EMC3: variants seen among roughly 807,000 people sequenced by gnomAD.
The protein encoded by EMC3 is 30 kDa protein.
EMC3 carries 13 observed loss-of-function variants against 36.6 expected under a neutral mutation model. That is an observed-to-expected ratio of 0.35 (90% CI 0.23 to 0.56). EMC3 has a LOEUF of 0.56. Among genes scored for constraint, EMC3 ranks in the 20% least tolerant of loss-of-function variants. The pLI, the probability that EMC3 is intolerant of heterozygous loss-of-function variation, is 0.84. For missense variants in EMC3, 220 were observed against 324.5 expected, an observed-to-expected ratio of 0.68 and a Z score of 2.47; for synonymous variants, 120 against 111.9, an observed-to-expected ratio of 1.07 and a Z score of -0.46.
chr3:9,967,982 C>T lies in EMC3; in HGVS notation c.657+1737G>A, dbSNP rs539883001. On this transcript the variant is annotated intron_variant, in intron 7 of 7. Coordinates refer to ENST00000245046, the MANE Select transcript of EMC3 (RefSeq NM_001394674.1). ...CTGTCACCAGGCTGGAGTCTAGTGG[C>T]GTGATCTTGACTCACTGCAACCTCT... 3.9e-5 allele frequency among the ~76,000 whole-genome samples: 6 copies of T among 152,304 alleles called. No individual in the cohort carries two copies. The East Asian group carries it at 5.8e-4, about 15-fold the overall frequency.
intron 1 of EMC3, among the ~76,000 whole-genome samples, chr3:9,981,008 G>A (rs1225467852): frequency 2.6e-5 from 4 of 152,082 alleles, no homozygotes; most frequent in Non-Finnish European, 4.4e-5. Flanking sequence ...TTCAAGAACA[G>A]CCTAGTCAAC....
At chr3:9,964,326 A>G (rs759343573) in intron 7 of EMC3, 129 bp from the exon 8 acceptor site, 34 of 1,416,528 alleles carry the variant, frequency 2.4e-5, no homozygotes, top group African/African-American at 1.9e-4. Flanking sequence ...AGCTCATTCA[A>G]TCCTACAAGG....
chr3:9,965,965 T>G (rs2085732877), intron 7 of EMC3, among the ~76,000 whole-genome samples: 1 of 152,372 alleles, frequency 6.6e-6, no homozygotes, highest in African/African-American at 2.4e-5. Flanking sequence ...TGAATCATGC[T>G]CTGAACACAT....
intron 1 of EMC3, among the ~76,000 whole-genome samples, chr3:9,992,567 C>G (rs2086067819): frequency 6.6e-6 from 1 of 152,188 alleles, no homozygotes; most frequent in African/African-American, 2.4e-5. Context: ...AGTGAAAATA[C>G]ATACTGGAGT....
intron 4 of EMC3, among the ~76,000 whole-genome samples, chr3:9,974,011 A>T (rs1266994197): frequency 6.6e-6 from 1 of 152,236 alleles, no homozygotes; most frequent in African/African-American, 2.4e-5. Flanking sequence ...TAAGCATAGA[A>T]TTATGTTAAT....
At position 9,967,437 on chromosome 3, in the gene EMC3, T is replaced by C. The variant is rs541678663; in HGVS notation, c.657+2282A>G. Among the ~76,000 whole-genome samples, 47 of 79,296 alleles carry C rather than the reference T, an allele frequency of 5.9e-4. No homozygotes were observed. The South Asian group carries it at 0.014, about 24-fold the overall frequency. The allele number at this position is 79,296 out of a possible 152,430, so 52.0% of individuals were successfully genotyped here. A position where few individuals can be genotyped will look rare whatever the true frequency, so the allele number is the denominator to read the frequency against. On this transcript the variant is annotated intron_variant, in intron 7 of 7. Coordinates refer to ENST00000245046, the MANE Select transcript of EMC3 (RefSeq NM_001394674.1). ...CTCATTCTTTTGCATGTAGATATCC[T>C]TTTCCCAGCACCATTCGTTGAATGG...
In EMC3 at chr3:9,963,514, G is replaced by A. The variant is rs1370116527; in HGVS notation, c.*555C>T. ...TTTTCAGATGGAGTTTTGCTCTGTC[G>A]CCCAGGCTGGAGCGCAGTGGCACGA... is the stretch of plus-strand genomic sequence containing the variant. On this transcript the variant is annotated 3_prime_UTR_variant, in exon 8 of 8. Transcript: ENST00000245046. The A allele has an allele frequency of 8.0e-5, 10 of 125,650 alleles. No homozygotes were observed. Among genetic ancestry groups the A allele is most frequent in the African/African-American group, 1.3e-4 (4 of 31,840 alleles). The allele number at this position is 125,650 out of a possible 1,614,324, so 7.8% of individuals were successfully genotyped here. A position where few individuals can be genotyped will look rare whatever the true frequency, so the allele number is the denominator to read the frequency against.
chr3:9,971,050 G>A (rs1480701532), intron 5 of EMC3, among the ~76,000 whole-genome samples: 2 of 151,964 alleles, frequency 1.3e-5, no homozygotes, highest in Non-Finnish European at 2.9e-5. Flanking sequence ...AACCTCCTGA[G>A]TAGCTGGGAC....
upstream of EMC3, chr3:9,988,125 T>C: frequency 1.8e-6 from 1 of 549,512 alleles, no homozygotes; most frequent in East Asian, 3.2e-5. Flanking sequence ...GGTACTATTA[T>C]GATATTTACA....
chr3:9,974,514 C>T, intron 3 of EMC3, 26 bp from the exon 4 acceptor site: 1 of 1,497,868 alleles, frequency 6.7e-7, no homozygotes, highest in Non-Finnish European at 9.3e-7. Context: ...AAACAAGAAA[C>T]CACTAAGTTT....
intron 6 of EMC3, among the ~76,000 whole-genome samples, chr3:9,970,231 A>G (rs2085771358): frequency 6.6e-6 from 1 of 152,190 alleles, no homozygotes; most frequent in Non-Finnish European, 1.5e-5. Flanking sequence ...GCCAGTAAAC[A>G]AGAGAGCAAG....
At chr3:9,987,883 T>C (rs1169914389), upstream of EMC3, 2 of 814,068 alleles carry the variant, frequency 2.5e-6, no homozygotes, top group Non-Finnish European at 4.3e-6. Context: ...CAGAACACCA[T>C]AGCTAATATT....
chr3:9,980,885 G>C (rs2085904153), intron 1 of EMC3, among the ~76,000 whole-genome samples: 1 of 152,164 alleles, frequency 6.6e-6, no homozygotes, highest in South Asian at 2.1e-4. Context: ...CAAGGCACAT[G>C]ATAGGCCATC....
chr3:9,990,852 A>G (rs535790521), upstream of EMC3, among the ~76,000 whole-genome samples: 107 of 148,278 alleles, frequency 7.2e-4, 3 homozygotes, highest in South Asian at 0.011. Context: ...ATTTTTTGAG[A>G]CGGAGTCTCG....
upstream of EMC3, among the ~76,000 whole-genome samples, chr3:9,990,057 G>A (rs1216712724): frequency 6.9e-6 from 1 of 144,862 alleles, no homozygotes; most frequent in African/African-American, 2.6e-5. Flanking sequence ...GTCTTGCTCT[G>A]TCACCCAGGC....
intron 7 of EMC3, among the ~76,000 whole-genome samples, chr3:9,968,222 G>A (rs542678734): frequency 1.1e-4 from 16 of 152,138 alleles, no homozygotes; most frequent in Admixed American, 5.9e-4. Flanking sequence ...GCCCGGCCAC[G>A]GCCATTTCTT....
At chr3:10,004,800 T>C (rs1294712887) in intron 1 of EMC3, 1 of 152,268 alleles carries the variant, frequency 6.6e-6, no homozygotes, top group Non-Finnish European at 1.5e-5. Flanking sequence ...TGGGAATCTG[T>C]GTAACCGTGG....
At chr3:9,988,397 G>A (rs2086004796), upstream of EMC3, 25 of 1,270,284 alleles carry the variant, frequency 2.0e-5, no homozygotes, top group East Asian at 2.3e-5. Flanking sequence ...AGAAAGCAGC[G>A]GTCAGAACCG....
intron 1 of EMC3, among the ~76,000 whole-genome samples, chr3:9,980,785 T>C (rs1285682409): frequency 6.6e-6 from 1 of 152,170 alleles, no homozygotes; most frequent in Admixed American, 6.5e-5. Flanking sequence ...TGTTATTTTT[T>C]CCTTTGCATA....
Sources: allele counts gnomAD v4.1 joint callset (sites outside exome capture counted in the v4.1 genomes callset), GRCh38; gene constraint gnomAD v4.1.1; transcripts MANE v1.5; gene names NCBI Gene and HGNC (gene_info 2026-07-23, HGNC 2026-07-21).